DOCK2: variants seen among roughly 807,000 people sequenced by gnomAD.
DOCK2 encodes dedicator of cytokinesis protein 2.
In DOCK2, 87 loss-of-function variants were observed where a neutral mutation model predicts 248.9. The ratio of observed to expected loss-of-function variants is 0.35; its 90% CI spans 0.29 to 0.42. The LOEUF is 0.42. Ranked by LOEUF, DOCK2 falls within the 10% of genes least tolerant of loss-of-function variation. The probability of loss-of-function intolerance (pLI) is 1.00; values close to 1 mark genes in which losing one functional copy is unlikely to be tolerated. For synonymous variants in DOCK2, 805 were observed against 821.6 expected (o/e 0.98, Z 0.35); for missense variants, 1,747 against 2,300.2 (o/e 0.76, Z 4.92).
intron 25 of DOCK2, among the ~76,000 whole-genome samples, chr5:169,800,766 T>C (rs1465900467): frequency 2.6e-5 from 4 of 151,948 alleles, no homozygotes; most frequent in Non-Finnish European, 5.9e-5. Flanking sequence ...GAATAATCCA[T>C]AGAATCAGAG....
At chr5:169,952,033 A>C (rs1004760260) in intron 27 of DOCK2, among the ~76,000 whole-genome samples, 2 of 152,206 alleles carry the variant, frequency 1.3e-5, no homozygotes, top group Non-Finnish European at 1.5e-5. Context: ...TATTCTCACA[A>C]CATGTGAAAG....
chr5:170,057,699 T>A, intron 44 of DOCK2, 33 bp downstream of exon 44: 18 of 1,563,084 alleles, frequency 1.2e-5, no homozygotes, highest in Non-Finnish European at 1.6e-5. Flanking sequence ...AGGGCCACCC[T>A]TCCTCCGATG....
rs1366095292 is a variant in DOCK2, at chr5:169,787,939, A to AT, written c.2555-15111dup. Among the ~76,000 whole-genome samples, 26 of 151,730 alleles carry AT rather than the reference A, an allele frequency of 1.7e-4. No individual in the cohort carries two copies. In the East Asian group the frequency reaches 3.7e-3, roughly 22 times the overall value. Reference sequence around the variant, plus strand: ...GCATTGTAATTGCCCATGGGAAATTATTTTTTTTGTAGGGGGCAGCCGCAT... The same window carrying AT: ...GCATTGTAATTGCCCATGGGAAATTATTTTTTTTTGTAGGGGGCAGCCGCAT... On this transcript the variant is annotated intron_variant, in intron 25 of 51. Transcript: ENST00000520908.
At chr5:169,805,061 A>G (rs963715314) in intron 26 of DOCK2, among the ~76,000 whole-genome samples, 12 of 151,970 alleles carry the variant, frequency 7.9e-5, no homozygotes, top group African/African-American at 1.2e-4. Flanking sequence ...GGGTTTGTCT[A>G]TTATTTCTGT....
intron 26 of DOCK2, among the ~76,000 whole-genome samples, chr5:169,825,022 C>T (rs200624110): frequency 0.29 from 43,337 of 152,040 alleles, 8,068 homozygotes; most frequent in African/African-American, 0.54. Flanking sequence ...TGAAAAAATG[C>T]TCATCATCAC....
chr5:169,851,640 C>T (rs1349735138), intron 27 of DOCK2, among the ~76,000 whole-genome samples: 2 of 152,064 alleles, frequency 1.3e-5, no homozygotes, highest in Non-Finnish European at 2.9e-5. Flanking sequence ...AAAGAACTGC[C>T]CAAGATTGAG....
At position 169,684,132 on chromosome 5, in the gene DOCK2, G is replaced by A. The variant is rs1014003740; in HGVS notation, c.607-64G>A. 1.9e-6 allele frequency: 3 copies of A among 1,588,542 alleles called. No individual in the cohort carries two copies. The African/African-American group carries it at 4.0e-5, about 21-fold the overall frequency. ...ACCCAATATCCTTGACTATCTCTCTGTTGCTCTAAGTGGTGCTAGGCTAAT... is the reference window on the plus strand; with the variant it reads ...ACCCAATATCCTTGACTATCTCTCTATTGCTCTAAGTGGTGCTAGGCTAAT... On this transcript the variant is annotated intron_variant, in intron 7 of 51. Transcript: ENST00000520908.
At chr5:169,838,973 C>T (rs1223679882) in intron 26 of DOCK2, among the ~76,000 whole-genome samples, 1 of 152,208 alleles carries the variant, frequency 6.6e-6, no homozygotes. Flanking sequence ...ATCTACTTCT[C>T]TCTCACTGTA....
chr5:169,888,808 C>A (rs1412372782), intron 27 of DOCK2, among the ~76,000 whole-genome samples: 1 of 152,122 alleles, frequency 6.6e-6, no homozygotes, highest in Non-Finnish European at 1.5e-5. Flanking sequence ...CAGATAGAAC[C>A]CAGCTGGTAG....
At chr5:170,051,210 CA>C (rs1371236676) in intron 41 of DOCK2, among the ~76,000 whole-genome samples, 1 of 152,156 alleles carries the variant, frequency 6.6e-6, no homozygotes, top group Non-Finnish European at 1.5e-5. Flanking sequence ...GCAGGCTCCA[CA>C]AACTGAAATG....
At chr5:169,734,872 T>C (rs1206468811) in intron 22 of DOCK2, among the ~76,000 whole-genome samples, 1 of 152,226 alleles carries the variant, frequency 6.6e-6, no homozygotes, top group Non-Finnish European at 1.5e-5. Context: ...GCCATCAAAA[T>C]AGAACTTTAA....
intron 36 of DOCK2, among the ~76,000 whole-genome samples, chr5:170,039,754 C>T (rs2113842427): frequency 6.6e-6 from 1 of 152,322 alleles, no homozygotes; most frequent in Middle Eastern, 3.4e-3. Context: ...AGCATTGAGA[C>T]ACGCATTGAG....
chr5:170,040,774 C>T, intron 36 of DOCK2: 1 of 381,962 alleles, frequency 2.6e-6, no homozygotes, highest in Admixed American at 3.8e-5. Context: ...ATAGTTCTCT[C>T]ATCTGAAAAG....
At chr5:169,784,633 T>C (rs185026687) in intron 25 of DOCK2, among the ~76,000 whole-genome samples, 1 of 152,368 alleles carries the variant, frequency 6.6e-6, no homozygotes, top group African/African-American at 2.4e-5. Context: ...ATCTTTGCTG[T>C]TTTGTTTTTA....
In DOCK2 at chr5:169,861,153, G is replaced by A. The variant is rs544844096; in HGVS notation, c.2799+20301G>A. Among the ~76,000 whole-genome samples the A allele has an allele frequency of 9.2e-5, 14 of 152,212 alleles. No individual in the cohort carries two copies. The South Asian group carries it at 2.9e-3, about 32-fold the overall frequency. ...CTTCATGTGATCATCGTGACACTAAGTTCTGAATCTGCTCTTTATTTATTT... is the reference window on the plus strand; with the variant it reads ...CTTCATGTGATCATCGTGACACTAAATTCTGAATCTGCTCTTTATTTATTT... On this transcript the variant is annotated intron_variant, in intron 27 of 51. Coordinates refer to ENST00000520908, the MANE Select transcript of DOCK2 (RefSeq NM_004946.3).
At chr5:170,065,654 G>A (rs1036338386) in intron 44 of DOCK2, among the ~76,000 whole-genome samples, 2 of 152,190 alleles carry the variant, frequency 1.3e-5, no homozygotes, top group African/African-American at 4.8e-5. Flanking sequence ...TACGTGGATG[G>A]CAGCAGGCAA....
intron 42 of DOCK2, 55 bp from the exon 43 acceptor site, chr5:170,056,629 G>A: frequency 6.8e-7 from 1 of 1,477,668 alleles, no homozygotes. Flanking sequence ...GGTCAGATCG[G>A]GTGTCAGCAG....
chr5:169,877,460 A>T (rs1352537869), intron 27 of DOCK2, among the ~76,000 whole-genome samples: 1 of 152,200 alleles, frequency 6.6e-6, no homozygotes, highest in Admixed American at 6.5e-5. Context: ...TCAGTAGCTT[A>T]TTTGGCATAT....
At chr5:169,706,306 A>G (rs1761261515) in intron 14 of DOCK2, among the ~76,000 whole-genome samples, 1 of 152,250 alleles carries the variant, frequency 6.6e-6, no homozygotes, top group Non-Finnish European at 1.5e-5. Flanking sequence ...AGAAACTCTA[A>G]GCCCATAAAT....
Sources: gnomAD v4.1 joint callset for allele counts (sites outside exome capture counted in the v4.1 genomes callset) on GRCh38, gnomAD v4.1.1 for gene constraint, MANE v1.5 for transcripts, NCBI Gene and HGNC (gene_info 2026-07-23, HGNC 2026-07-21) for gene names.